UBE2D1: variants seen among roughly 807,000 people sequenced by gnomAD.
The protein encoded by UBE2D1 is ubiquitin-conjugating enzyme E2 D1.
A neutral mutation model predicts 24.6 loss-of-function variants in UBE2D1; 9 were observed. The observed-to-expected ratio is 0.37, with a 90% CI of 0.22 to 0.64. The LOEUF (loss-of-function observed/expected upper bound fraction) is 0.64. UBE2D1 is among the 30% of genes least tolerant of loss of function. UBE2D1 has a pLI of 0.64. For missense variants in UBE2D1, 87 were observed against 177.1 expected (o/e 0.49, Z 2.89); for synonymous variants, 57 against 57.6 (o/e 0.99, Z 0.04).
At chr10:58,342,244 C>A (rs1179114217) in intron 1 of UBE2D1, among the ~76,000 whole-genome samples, 2 of 152,160 alleles carry the variant, frequency 1.3e-5, no homozygotes, top group East Asian at 1.9e-4. Context: ...TCTTGTCTTA[C>A]CTCTTTCTGG....
chr10:58,347,231 A>G (rs993433564), intron 1 of UBE2D1, among the ~76,000 whole-genome samples: 2 of 152,142 alleles, frequency 1.3e-5, no homozygotes, highest in Non-Finnish European at 2.9e-5. Context: ...GGAGAATCTG[A>G]ACAATTTGGT....
intron 1 of UBE2D1, among the ~76,000 whole-genome samples, chr10:58,345,768 A>G (rs1840008870): frequency 6.6e-6 from 1 of 152,146 alleles, no homozygotes; most frequent in Non-Finnish European, 1.5e-5. Context: ...GGAAGACTGG[A>G]TAGCATTTTG....
Position 58,338,834 on chromosome 10 carries a change from C to T in UBE2D1, c.24+3609C>T, listed in dbSNP as rs1049794200. On this transcript the variant is annotated intron_variant, in intron 1 of 6. Coordinates refer to ENST00000373910, the MANE Select transcript of UBE2D1 (RefSeq NM_003338.5). ...TTTGAAAAGTGAGGCAATAGAGTTC[C>T]GTTTTACAAACATAGCAACTCAGAG... Among the ~76,000 whole-genome samples the T allele has an allele frequency of 4.1e-4, 62 of 152,090 alleles. 1 individual carries two copies. The highest frequency in any genetic ancestry group is 8.2e-4 in the Non-Finnish European group (56 of 68,010).
At chr10:58,348,796 G>T (rs1431399355) in intron 1 of UBE2D1, among the ~76,000 whole-genome samples, 1 of 152,136 alleles carries the variant, frequency 6.6e-6, no homozygotes, top group Non-Finnish European at 1.5e-5. Flanking sequence ...CTTCAGATTG[G>T]CCTGTTACCC....
chr10:58,343,504 T>A (rs989153910), intron 1 of UBE2D1, among the ~76,000 whole-genome samples: 1 of 152,134 alleles, frequency 6.6e-6, no homozygotes, highest in Non-Finnish European at 1.5e-5. Context: ...AAAATTAATG[T>A]TAAAAATACA....
Position 58,368,701 on chromosome 10 carries a change from C to T in UBE2D1, c.399-19C>T. ...TTAATTTTGTATGTTTTTACTATAT[C>T]CTTTTTGTGTATCTACAGATACAAC... On this transcript the variant is annotated intron_variant, in intron 6 of 6. Coordinates refer to ENST00000373910, the MANE Select transcript of UBE2D1 (RefSeq NM_003338.5). The T allele has an allele frequency of 1.9e-5, 30 of 1,542,742 alleles. No homozygotes were observed. The highest frequency in any genetic ancestry group is 2.5e-5 in the Non-Finnish European group (29 of 1,139,308).
At chr10:58,362,581 T>C (rs1402517687) in intron 3 of UBE2D1, among the ~76,000 whole-genome samples, 4 of 152,156 alleles carry the variant, frequency 2.6e-5, no homozygotes, top group Admixed American at 2.6e-4. Flanking sequence ...ATTTTTTAGG[T>C]GAATCACATG....
intron 1 of UBE2D1, among the ~76,000 whole-genome samples, chr10:58,359,261 T>C (rs1840168267): frequency 6.6e-6 from 1 of 152,198 alleles, no homozygotes; most frequent in South Asian, 2.1e-4. Context: ...TTTTAACTTT[T>C]CTAAAGTGTG....
intron 4 of UBE2D1, chr10:58,364,346 C>T (rs1840232707): frequency 6.5e-6 from 1 of 153,908 alleles, no homozygotes; most frequent in African/African-American, 2.4e-5. Context: ...GCTGAGACGC[C>T]TCAACTTTGC....
At chr10:58,352,185 C>G (rs1840084198) in intron 1 of UBE2D1, among the ~76,000 whole-genome samples, 1 of 152,004 alleles carries the variant, frequency 6.6e-6, no homozygotes, top group African/African-American at 2.4e-5. Context: ...ACTCTTGGTC[C>G]CATTCAGATG....
At chr10:58,339,166 C>T (rs1839934997) in intron 1 of UBE2D1, among the ~76,000 whole-genome samples, 1 of 152,150 alleles carries the variant, frequency 6.6e-6, no homozygotes, top group Non-Finnish European at 1.5e-5. Context: ...AATGCGGTGG[C>T]ACAATCTCGG....
intron 5 of UBE2D1, among the ~76,000 whole-genome samples, chr10:58,367,710 T>G (rs1457110504): frequency 6.6e-6 from 1 of 152,164 alleles, no homozygotes; most frequent in African/African-American, 2.4e-5. Context: ...TAAAATAATT[T>G]TATATTTTAT....
chr10:58,364,915 T>A, intron 5 of UBE2D1, 39 bp downstream of exon 5: 1 of 1,503,526 alleles, frequency 6.7e-7, no homozygotes, highest in Non-Finnish European at 9.2e-7. Context: ...TTGATAACAG[T>A]GAGACAGGAA....
At chr10:58,368,512 A>C in intron 6 of UBE2D1, 1 of 354,444 alleles carries the variant, frequency 2.8e-6, no homozygotes, top group Non-Finnish European at 5.1e-6. Flanking sequence ...ATACATTTTC[A>C]TATAGGTTGC....
rs1839884788 is a variant in UBE2D1 at position 58,335,064 on chromosome 10, G to A, written c.-138G>A. The stretch of plus-strand genomic sequence containing the variant: ...CGGAGCAGGGACCGGCGCCCGGAGC[G>A]AGCCAGGGAGCGGCTAACCGGGGAC... On this transcript the variant is annotated 5_prime_UTR_variant, in exon 1 of 7. Transcript: ENST00000373910. The A allele has an allele frequency of 1.1e-6, 1 of 897,216 alleles. No homozygotes were observed. Among genetic ancestry groups the A allele is most frequent in the Admixed American group, 2.3e-5 (1 of 42,820 alleles). 55.6% of individuals were successfully genotyped at this position (897,216 alleles called of 1,614,324 possible).
intron 1 of UBE2D1, among the ~76,000 whole-genome samples, chr10:58,343,425 T>C (rs970974355): frequency 6.6e-6 from 1 of 152,182 alleles, no homozygotes; most frequent in Non-Finnish European, 1.5e-5. Context: ...ATGTAAAATC[T>C]TTTTCATATT....
chr10:58,358,448 T>G (rs1840156921), intron 1 of UBE2D1, among the ~76,000 whole-genome samples: 1 of 152,154 alleles, frequency 6.6e-6, no homozygotes, highest in Admixed American at 6.5e-5. Context: ...CCTCCCTCAG[T>G]CATTTAAACT....
chr10:58,346,224 C>T (rs905634429), intron 1 of UBE2D1, among the ~76,000 whole-genome samples: 1 of 151,906 alleles, frequency 6.6e-6, no homozygotes, highest in Non-Finnish European at 1.5e-5. Flanking sequence ...GTTGGTCAGG[C>T]TGGTCTCGAA....
rs1383392583 is a variant in UBE2D1, at chr10:58,369,033, C to T, written c.*268C>T. 4.1e-6 allele frequency: 1 copy of T among 242,394 alleles called. No individual in the cohort carries two copies. The highest frequency in any genetic ancestry group is 2.2e-5 in the African/African-American group (1 of 44,796). The allele number at this position is 242,394 out of a possible 1,614,324, so 15.0% of individuals were successfully genotyped here. The stretch of plus-strand genomic sequence containing the variant: ...CTTGGACATCTGCATCTTCAGCTTA[C>T]AAGATCTACAATGCAGCTGAAAAGC... On this transcript the variant is annotated 3_prime_UTR_variant, in exon 7 of 7. Transcript: ENST00000373910.
Sources: allele counts gnomAD v4.1 joint callset (sites outside exome capture counted in the v4.1 genomes callset), GRCh38; gene constraint gnomAD v4.1.1; transcripts MANE v1.5; gene names NCBI Gene and HGNC (gene_info 2026-07-23, HGNC 2026-07-21).